The following PTP4A1 variants were observed in gnomAD, a reference collection of about 807,000 sequenced individuals.
The protein encoded by PTP4A1 is protein tyrosine phosphatase type IVA 1.
In PTP4A1, 9 loss-of-function variants were observed where a neutral mutation model predicts 20.5. That is an observed-to-expected ratio of 0.44 (90% confidence interval 0.26 to 0.77). The LOEUF (loss-of-function observed/expected upper bound fraction) is 0.77, where lower values mean the gene tolerates loss of function less well. PTP4A1 is among the 30% of genes least tolerant of loss of function. The probability of loss-of-function intolerance (pLI) is 0.19; values close to 1 mark genes in which losing one functional copy is unlikely to be tolerated. For missense variants in PTP4A1, 137 were observed against 218.8 expected, an observed-to-expected ratio of 0.63 and a Z score of 2.36; for synonymous variants, 78 against 67.4, an observed-to-expected ratio of 1.16 and a Z score of -0.77.
At chr6:63,549,719 A>G (rs13198458) in intron 2 of PTP4A1, among the ~76,000 whole-genome samples, 1 of 152,120 alleles carries the variant, frequency 6.6e-6, no homozygotes, top group African/African-American at 2.4e-5. Flanking sequence ...AAAGTTAAAC[A>G]CAGATTGTTC....
intron 2 of PTP4A1, among the ~76,000 whole-genome samples, chr6:63,547,653 C>T (rs1006854001): frequency 1.3e-4 from 19 of 151,514 alleles, no homozygotes; most frequent in Admixed American, 8.5e-4. Context: ...CTACAGGTGC[C>T]CACCACCACG....
intron 2 of PTP4A1, chr6:63,548,692 ACT>A: frequency 1.8e-6 from 1 of 559,838 alleles, no homozygotes; most frequent in South Asian, 2.2e-5. Flanking sequence ...TGTACAGAAA[ACT>A]CAACAGTGTA....
Position 63,580,048 on chromosome 6 carries a change from TCCTCC to T in PTP4A1, c.405-7_405-3del. 1 of 1,575,788 alleles carries T rather than the reference TCCTCC, an allele frequency of 6.3e-7. No individual in the cohort carries two copies. The highest frequency in any genetic ancestry group is 1.4e-5 in the African/African-American group (1 of 72,854). On this transcript the variant is annotated splice_region_variant and splice_polypyrimidine_tract_variant and intron_variant, in intron 5 of 5. Coordinates refer to ENST00000626021, the MANE Select transcript of PTP4A1 (RefSeq NM_003463.5). ...GCCTTGTTTCATTTTTTTTTTTTTTTCCTCCCAGAAAGCGGCGTGGAGCTTTTAAC... is the reference window on the plus strand; with the variant it reads ...GCCTTGTTTCATTTTTTTTTTTTTTTCAGAAAGCGGCGTGGAGCTTTTAAC...
chr6:63,564,919 A>C (rs963705841), intron 3 of PTP4A1, among the ~76,000 whole-genome samples: 1 of 152,250 alleles, frequency 6.6e-6, no homozygotes, highest in Non-Finnish European at 1.5e-5. Context: ...TAGATTCATA[A>C]TAAGTCCTTT....
At chr6:63,555,522 GCAAT>G (rs947969345) in intron 3 of PTP4A1, among the ~76,000 whole-genome samples, 35 of 152,080 alleles carry the variant, frequency 2.3e-4, no homozygotes, top group Middle Eastern at 3.4e-3. Flanking sequence ...AGCTGCTGCT[GCAAT>G]CATAGTTCTT....
At chr6:63,570,741 C>T (rs760996656), upstream of PTP4A1, among the ~76,000 whole-genome samples, 9 of 152,196 alleles carry the variant, frequency 5.9e-5, no homozygotes, top group Non-Finnish European at 1.2e-4. Context: ...GAGTGGCTGA[C>T]TGAATATGTG....
At chr6:63,548,862 G>T in intron 2 of PTP4A1, 1 of 766,612 alleles carries the variant, frequency 1.3e-6, no homozygotes, top group East Asian at 2.4e-5. Context: ...CACTAGCTTA[G>T]CCAAAGCGCC....
chr6:63,555,210 T>A (rs1776627274), intron 3 of PTP4A1, among the ~76,000 whole-genome samples: 1 of 152,208 alleles, frequency 6.6e-6, no homozygotes, highest in Admixed American at 6.5e-5. Flanking sequence ...GTTCTGTAGA[T>A]CTTTAGAGGC....
chr6:63,558,839 G>A (rs1776804218), intron 3 of PTP4A1, among the ~76,000 whole-genome samples: 1 of 152,332 alleles, frequency 6.6e-6, no homozygotes, highest in East Asian at 1.9e-4. Flanking sequence ...GCCCCCATAA[G>A]AGAGTTTCAA....
intron 5 of PTP4A1, among the ~76,000 whole-genome samples, chr6:63,579,787 A>G (rs973121733): frequency 6.6e-6 from 1 of 152,156 alleles, no homozygotes; most frequent in Non-Finnish European, 1.5e-5. Flanking sequence ...ACTATAAATT[A>G]GTTTTGTCTT....
intron 2 of PTP4A1, 146 bp downstream of exon 2, chr6:63,577,131 A>G (rs922659473): frequency 1.5e-5 from 10 of 653,786 alleles, no homozygotes; most frequent in Non-Finnish European, 2.4e-5. Context: ...TGTCTTCTAT[A>G]GGTTAGAGGT....
At position 63,579,317 on chromosome 6, in the gene PTP4A1, A is replaced by C; in HGVS notation, c.390A>C (p.Val130=). The change falls in exon 5 of 6, where the codon GTA becomes GTC. Residue 130 remains valine (V), a synonymous_variant. Transcript: ENST00000626021. ...GTGGAATGAAATACGAAGATGCAGT[A>C]CAATTCATAAGACAGTAAGTAATGG... ...IEGGMKYEDA[V]QFIRQKRRGA... The C allele has an allele frequency of 6.2e-7, 1 of 1,604,722 alleles. No individual in the cohort carries two copies. The highest frequency in any genetic ancestry group is 8.5e-7 in the Non-Finnish European group (1 of 1,173,822).
At chr6:63,541,241 T>C (rs1404595694) in intron 2 of PTP4A1, among the ~76,000 whole-genome samples, 1 of 152,136 alleles carries the variant, frequency 6.6e-6, no homozygotes, top group Non-Finnish European at 1.5e-5. Context: ...GCCTCCCTCT[T>C]AGCCTCCCTC....
At chr6:63,540,231 C>T (rs1199713785) in intron 2 of PTP4A1, among the ~76,000 whole-genome samples, 2 of 152,028 alleles carry the variant, frequency 1.3e-5, no homozygotes, top group East Asian at 1.9e-4. Flanking sequence ...AACCTACCAC[C>T]CAGCCACTAG....
At chr6:63,577,022 G>A (rs1386514800) in intron 2 of PTP4A1, 37 bp downstream of exon 2, 1 of 1,508,354 alleles carries the variant, frequency 6.6e-7, no homozygotes, top group Non-Finnish European at 9.2e-7. Context: ...TAAATTGATT[G>A]CAATATAATA....
rs569862863 is a variant in PTP4A1 at position 63,528,426 on chromosome 6, T to C, written c.-640+342T>C. 5.3e-5 allele frequency among the ~76,000 whole-genome samples: 8 copies of C among 150,990 alleles called. No homozygotes were observed. In the South Asian group the frequency reaches 1.5e-3, roughly 28 times the overall value. Reference sequence around the variant, plus strand: ...GCCTGGGAGACACAGTGAATCTCTGTCTTTTTTTTTTTTTAAGGCCGGGTA... The same window carrying C: ...GCCTGGGAGACACAGTGAATCTCTGCCTTTTTTTTTTTTTAAGGCCGGGTA... On this transcript the variant is annotated intron_variant, in intron 2 of 3. Transcript: ENST00000639568.
intron 3 of PTP4A1, among the ~76,000 whole-genome samples, chr6:63,551,158 C>CAG (rs1776422580): frequency 6.6e-6 from 1 of 151,994 alleles, no homozygotes; most frequent in Non-Finnish European, 1.5e-5. Context: ...CTCTGCTTTC[C>CAG]AGGTTCAAGT....
At chr6:63,573,312 C>G (rs1005130184) in intron 1 of PTP4A1, 5 of 152,294 alleles carry the variant, frequency 3.3e-5, no homozygotes, top group African/African-American at 9.7e-5. Context: ...TGGGGTAGGC[C>G]GGACAGCCAG....
intron 3 of PTP4A1, among the ~76,000 whole-genome samples, chr6:63,559,510 G>A (rs1011450044): frequency 6.6e-6 from 1 of 152,122 alleles, no homozygotes; most frequent in Non-Finnish European, 1.5e-5. Flanking sequence ...ACTTTGGGAG[G>A]CCGAGGTGGG....
Sources: allele counts gnomAD v4.1 joint callset (sites outside exome capture counted in the v4.1 genomes callset), GRCh38; gene constraint gnomAD v4.1.1; transcripts MANE v1.5; gene names NCBI Gene and HGNC (gene_info 2026-07-23, HGNC 2026-07-21).